Variants in EYA4 observed in about 807,000 individuals in gnomAD.
EYA4 encodes EYA transcriptional coactivator and phosphatase 4.
A neutral mutation model predicts 87.9 loss-of-function variants in EYA4; 31 were observed. That is an observed-to-expected ratio of 0.35 (90% CI 0.27 to 0.48). The LOEUF (loss-of-function observed/expected upper bound fraction) is 0.48, where lower values mean the gene tolerates loss of function less well. Ranked by LOEUF, EYA4 falls within the 20% of genes least tolerant of loss-of-function variation. The pLI is 0.99. For synonymous variants in EYA4, 263 were observed against 270.6 expected (o/e 0.97, Z 0.28); for missense variants, 678 against 761.4 (o/e 0.89, Z 1.29).
intron 10 of EYA4, among the ~76,000 whole-genome samples, chr6:133,466,349 T>A (rs2128668658): frequency 6.6e-6 from 1 of 152,264 alleles, no homozygotes; most frequent in South Asian, 2.1e-4. Flanking sequence ...TGGATCCCAA[T>A]GTAAAATGTA....
At chr6:133,391,010 T>C (rs1787218152) in intron 3 of EYA4, among the ~76,000 whole-genome samples, 1 of 151,962 alleles carries the variant, frequency 6.6e-6, no homozygotes, top group Admixed American at 6.6e-5. Context: ...GGAGCTGAAA[T>C]TGAAAGGTAT....
Position 133,441,083 on chromosome 6 carries a change from T to C in EYA4, c.84-5547T>C, listed in dbSNP as rs565229921. On this transcript the variant is annotated intron_variant, in intron 3 of 19. Coordinates refer to ENST00000355286, the MANE Select transcript of EYA4 (RefSeq NM_004100.5). Reference sequence around the variant, plus strand: ...TGGGAAAATTTTGACCATTACTTATTCCAATATTATTCTGTATCATTCTCT... The same window carrying C: ...TGGGAAAATTTTGACCATTACTTATCCCAATATTATTCTGTATCATTCTCT... Among the ~76,000 whole-genome samples, 43 of 152,262 alleles carry C rather than the reference T, an allele frequency of 2.8e-4. No homozygotes were observed. In the South Asian group the frequency reaches 8.7e-3, roughly 31 times the overall value.
chr6:133,282,308 A>G (rs574560168), intron 2 of EYA4, among the ~76,000 whole-genome samples: 1 of 152,168 alleles, frequency 6.6e-6, no homozygotes, highest in African/African-American at 2.4e-5. Context: ...ATGGTATTTC[A>G]TTGTGGTTCT....
intron 3 of EYA4, among the ~76,000 whole-genome samples, chr6:133,433,105 A>G (rs1791335844): frequency 1.3e-5 from 2 of 152,182 alleles, no homozygotes; most frequent in Non-Finnish European, 2.9e-5. Flanking sequence ...CTTCAATTGT[A>G]TTTTTGTATA....
intron 2 of EYA4, among the ~76,000 whole-genome samples, chr6:133,330,959 T>C (rs1167199910): frequency 6.6e-6 from 1 of 151,946 alleles, no homozygotes; most frequent in African/African-American, 2.4e-5. Flanking sequence ...TGTGAGAATT[T>C]TTATGTAAAT....
chr6:133,482,590 C>T (rs1308196208), intron 12 of EYA4, among the ~76,000 whole-genome samples: 1 of 152,100 alleles, frequency 6.6e-6, no homozygotes, highest in Non-Finnish European at 1.5e-5. Flanking sequence ...CTAATGTGAC[C>T]CCAGGATCTA....
chr6:133,468,674 T>A lies in EYA4; in HGVS notation c.913T>A (p.Ser305Thr). 1 of 1,613,114 alleles carries A rather than the reference T, an allele frequency of 6.2e-7. No homozygotes were observed. The highest frequency in any genetic ancestry group is 8.5e-7 in the Non-Finnish European group (1 of 1,179,296). The change falls in exon 11 of 20, where the codon TCT becomes ACT. Residue 305 changes from serine to threonine, a missense_variant. Ser to Thr is a moderately conservative substitution (Grantham distance 58). Transcript: ENST00000355286. ...GAATAACACAGCCGATGGCACACCC[T>A]CTTCAACCTCTACTTATCAGTTGCA... ...TSNNTADGTPSSTSTYQLQES... is the reference protein window; with the variant it reads ...TSNNTADGTPTSTSTYQLQES...
chr6:133,393,677 T>C (rs912984690), intron 3 of EYA4, among the ~76,000 whole-genome samples: 3 of 152,218 alleles, frequency 2.0e-5, no homozygotes, highest in South Asian at 2.1e-4. Context: ...TCTAGTCTTT[T>C]CCACATTTTG....
At chr6:133,363,050 T>C (rs1201981800) in intron 2 of EYA4, 2 of 152,252 alleles carry the variant, frequency 1.3e-5, no homozygotes, top group Admixed American at 6.5e-5. Context: ...CCCAGTCCGA[T>C]GAAGGAGGGG....
At chr6:133,371,198 C>T (rs142486681) in intron 2 of EYA4, among the ~76,000 whole-genome samples, 1,845 of 152,054 alleles carry the variant, frequency 0.012, 38 homozygotes, top group African/African-American at 0.043. Context: ...ACAATTCAGG[C>T]GGAGAAAATA....
intron 2 of EYA4, among the ~76,000 whole-genome samples, chr6:133,311,637 A>G (rs1426302693): frequency 6.6e-6 from 1 of 151,908 alleles, no homozygotes; most frequent in Non-Finnish European, 1.5e-5. Context: ...AGATTAGATA[A>G]CATCTACCTC....
chr6:133,300,947 C>T (rs769128575), intron 2 of EYA4, among the ~76,000 whole-genome samples: 27 of 152,122 alleles, frequency 1.8e-4, no homozygotes, highest in Non-Finnish European at 3.7e-4. Flanking sequence ...AGTTATTTTC[C>T]CAGTCCTTAT....
At chr6:133,344,392 G>A (rs1195936859) in intron 2 of EYA4, among the ~76,000 whole-genome samples, 3 of 152,036 alleles carry the variant, frequency 2.0e-5, no homozygotes, top group Non-Finnish European at 2.9e-5. Flanking sequence ...AAAATTTTAC[G>A]AATTTAAGAG....
chr6:133,269,792 G>GAT (rs3065328), intron 1 of EYA4, among the ~76,000 whole-genome samples: 26,730 of 150,608 alleles, frequency 0.18, 3,473 homozygotes, highest in African/African-American at 0.37. Flanking sequence ...GAACTAATAG[G>GAT]ATATATATAT....
chr6:133,309,893 A>T (rs950375), intron 2 of EYA4, among the ~76,000 whole-genome samples: 3 of 152,000 alleles, frequency 2.0e-5, no homozygotes, highest in African/African-American at 7.3e-5. Context: ...GTAGTGGGGA[A>T]AAGTTTCTGG....
intron 3 of EYA4, among the ~76,000 whole-genome samples, chr6:133,387,417 A>C (rs746214169): frequency 1.5e-4 from 23 of 152,350 alleles, no homozygotes; most frequent in South Asian, 4.1e-4. Context: ...GTCTCCAAGA[A>C]GTACCAAAAA....
intron 3 of EYA4, among the ~76,000 whole-genome samples, chr6:133,402,028 G>A (rs58720665): frequency 6.6e-6 from 1 of 152,058 alleles, no homozygotes; most frequent in Admixed American, 6.6e-5. Context: ...CTGAGGAGTT[G>A]CCCACCAGCT....
chr6:133,400,074 A>G (rs185123102), intron 3 of EYA4, among the ~76,000 whole-genome samples: 6 of 152,332 alleles, frequency 3.9e-5, no homozygotes, highest in Non-Finnish European at 7.4e-5. Flanking sequence ...CAGCATATTT[A>G]TCCATTAATA....
Position 133,401,037 on chromosome 6 carries a change from A to G in EYA4, c.83+18596A>G, listed in dbSNP as rs536243640. Among the ~76,000 whole-genome samples, 4 of 152,356 alleles carry G rather than the reference A, an allele frequency of 2.6e-5. No individual in the cohort carries two copies. In the South Asian group the frequency reaches 8.3e-4, roughly 32 times the overall value. On this transcript the variant is annotated intron_variant, in intron 3 of 19. Coordinates refer to ENST00000355286, the MANE Select transcript of EYA4 (RefSeq NM_004100.5). ...TCGGTAAAGAAAATGTGGTATATGT[A>G]TACAATGGAATATTATTCAGCCATA... is the stretch of plus-strand genomic sequence containing the variant.
Sources: allele counts gnomAD v4.1 joint callset (sites outside exome capture counted in the v4.1 genomes callset), GRCh38; gene constraint gnomAD v4.1.1; transcripts MANE v1.5; gene names NCBI Gene and HGNC (gene_info 2026-07-23, HGNC 2026-07-21).